The following SMAP1 variants were observed in gnomAD, a reference collection of about 807,000 sequenced individuals.
SMAP1 encodes small ArfGAP 1.
SMAP1 carries 24 observed loss-of-function variants against 58.5 expected under a neutral mutation model. The observed-to-expected ratio is 0.41, with a 90% CI of 0.30 to 0.58. SMAP1 has a LOEUF of 0.58. Among genes scored for constraint, SMAP1 ranks in the 20% least tolerant of loss-of-function variants. SMAP1 has a pLI of 0.29. For missense variants in SMAP1, 563 were observed against 566.3 expected (o/e 0.99, Z 0.06); for synonymous variants, 216 against 196.6 (o/e 1.10, Z -0.82).
chr6:70,702,651 T>C (rs895385713), intron 1 of SMAP1, among the ~76,000 whole-genome samples: 2 of 152,070 alleles, frequency 1.3e-5, no homozygotes, highest in African/African-American at 4.8e-5. Flanking sequence ...CTTTTTTTTT[T>C]TTTGAGGCAG....
chr6:70,765,277 C>T (rs948626194), intron 3 of SMAP1, among the ~76,000 whole-genome samples: 10 of 152,074 alleles, frequency 6.6e-5, no homozygotes, highest in Admixed American at 3.9e-4. Flanking sequence ...TTAGAAACCA[C>T]GACTTTAAGC....
At chr6:70,839,717 G>A (rs1198835435) in intron 7 of SMAP1, among the ~76,000 whole-genome samples, 1 of 152,162 alleles carries the variant, frequency 6.6e-6, no homozygotes, top group Non-Finnish European at 1.5e-5. Context: ...TGCTGTGAGG[G>A]AGTTGTAGCA....
chr6:70,841,888 A>C (rs1371925076), intron 7 of SMAP1, among the ~76,000 whole-genome samples: 1 of 152,206 alleles, frequency 6.6e-6, no homozygotes, highest in Non-Finnish European at 1.5e-5. Flanking sequence ...AAAGTACTCT[A>C]CTTACCTTTC....
At chr6:70,836,107 G>A (rs1204187124) in intron 6 of SMAP1, among the ~76,000 whole-genome samples, 1 of 152,116 alleles carries the variant, frequency 6.6e-6, no homozygotes, top group Non-Finnish European at 1.5e-5. Context: ...AGACTCCAAG[G>A]CCTCCCCAGT....
intron 4 of SMAP1, among the ~76,000 whole-genome samples, chr6:70,788,429 A>G (rs1180008904): frequency 6.6e-6 from 1 of 152,048 alleles, no homozygotes; most frequent in Non-Finnish European, 1.5e-5. Context: ...GTGCGCATGT[A>G]CCCTACAACT....
chr6:70,712,767 CT>C, intron 1 of SMAP1, among the ~76,000 whole-genome samples: 1 of 140,648 alleles, frequency 7.1e-6, no homozygotes, highest in African/African-American at 2.9e-5. Flanking sequence ...TATTGCTTTT[CT>C]TTTCTTTTCT....
At chr6:70,813,316 A>G (rs1004692717) in intron 6 of SMAP1, among the ~76,000 whole-genome samples, 1 of 152,186 alleles carries the variant, frequency 6.6e-6, no homozygotes, top group Non-Finnish European at 1.5e-5. Flanking sequence ...GGGAATAAGG[A>G]TATTTTATCT....
At chr6:70,678,002 C>T (rs1351073754) in intron 1 of SMAP1, among the ~76,000 whole-genome samples, 1 of 152,062 alleles carries the variant, frequency 6.6e-6, no homozygotes, top group African/African-American at 2.4e-5. Flanking sequence ...CTTGGAGTGG[C>T]ATTTAGTTAC....
At position 70,780,587 on chromosome 6, in the gene SMAP1, AG is replaced by A. The variant is rs1468274898; in HGVS notation, c.414+7163del. On this transcript the variant is annotated intron_variant, in intron 4 of 10. Transcript: ENST00000370455. ...CAGACTTAAGACCCTGTTTCAAAAA[AG>A]AAAAAGAGAAATCTGTCCTGTCTGT... is the stretch of plus-strand genomic sequence containing the variant. Among the ~76,000 whole-genome samples, 7 of 152,324 alleles carry A rather than the reference AG, an allele frequency of 4.6e-5. No homozygotes were observed. In the East Asian group the frequency reaches 1.3e-3, roughly 29 times the overall value.
At chr6:70,738,529 A>G (rs984394226) in intron 2 of SMAP1, among the ~76,000 whole-genome samples, 3 of 151,410 alleles carry the variant, frequency 2.0e-5, no homozygotes, top group African/African-American at 7.3e-5. Context: ...CCTATGAGCT[A>G]ACTGGGTAGT....
At chr6:70,846,915 C>T (rs1771011122) in intron 7 of SMAP1, among the ~76,000 whole-genome samples, 1 of 152,106 alleles carries the variant, frequency 6.6e-6, no homozygotes, top group South Asian at 2.1e-4. Context: ...AGATTCCCTC[C>T]AGGTGAGGTA....
At chr6:70,714,375 T>A (rs375051718) in intron 1 of SMAP1, among the ~76,000 whole-genome samples, 1 of 152,116 alleles carries the variant, frequency 6.6e-6, no homozygotes, top group South Asian at 2.1e-4. Flanking sequence ...GTAACTTCTA[T>A]AGGTGTTTTT....
chr6:70,721,876 C>T (rs770738570), intron 1 of SMAP1, among the ~76,000 whole-genome samples: 4 of 152,092 alleles, frequency 2.6e-5, no homozygotes, highest in East Asian at 1.9e-4. Context: ...TGGGAAAGAC[C>T]GGCCCCCATG....
At chr6:70,752,829 A>G (rs1477021131) in intron 2 of SMAP1, among the ~76,000 whole-genome samples, 1 of 152,088 alleles carries the variant, frequency 6.6e-6, no homozygotes, top group Non-Finnish European at 1.5e-5. Flanking sequence ...ATCTCTCTAC[A>G]TCTGTGATGT....
intron 1 of SMAP1, among the ~76,000 whole-genome samples, chr6:70,691,335 G>A (rs994393940): frequency 6.6e-6 from 1 of 151,966 alleles, no homozygotes; most frequent in Non-Finnish European, 1.5e-5. Context: ...ATAATAGTAG[G>A]TGGATATATT....
chr6:70,828,517 G>A (rs1297271362), intron 6 of SMAP1, among the ~76,000 whole-genome samples: 1 of 152,114 alleles, frequency 6.6e-6, no homozygotes, highest in African/African-American at 2.4e-5. Context: ...CTACAACAAT[G>A]GTGGTCAGAT....
chr6:70,789,651 C>T (rs1487624305), intron 4 of SMAP1, among the ~76,000 whole-genome samples: 6 of 132,262 alleles, frequency 4.5e-5, no homozygotes, highest in East Asian at 4.2e-4. Flanking sequence ...CTATCCGGGA[C>T]GCTGAGAGGC....
At chr6:70,732,968 C>G (rs1765485557) in intron 2 of SMAP1, among the ~76,000 whole-genome samples, 1 of 152,112 alleles carries the variant, frequency 6.6e-6, no homozygotes, top group Admixed American at 6.6e-5. Flanking sequence ...GTTCTTATGA[C>G]CAACCTAAAC....
At chr6:70,806,832 A>G (rs1769155037) in intron 6 of SMAP1, among the ~76,000 whole-genome samples, 1 of 152,210 alleles carries the variant, frequency 6.6e-6, no homozygotes, top group Admixed American at 6.5e-5. Context: ...CTTATTTTAT[A>G]AAGAAGTAAA....
Sources: allele counts gnomAD v4.1 joint callset (sites outside exome capture counted in the v4.1 genomes callset), GRCh38; gene constraint gnomAD v4.1.1; transcripts MANE v1.5; gene names NCBI Gene and HGNC (gene_info 2026-07-23, HGNC 2026-07-21).